DPYD: variants seen among roughly 807,000 people sequenced by gnomAD.
The protein encoded by DPYD is dihydropyrimidine dehydrogenase [NADP(+)].
A neutral mutation model predicts 116.2 loss-of-function variants in DPYD; 109 were observed. The observed-to-expected ratio is 0.94, with a 90% CI of 0.80 to 1.10. The LOEUF is 1.10. Ranked by LOEUF, DPYD falls within the 50% of genes least tolerant of loss-of-function variation. DPYD has a pLI of 0.00. For synonymous variants in DPYD, 440 were observed against 432.0 expected (o/e 1.02, Z -0.23); for missense variants, 1,302 against 1,254.5 (o/e 1.04, Z -0.57).
chr1:97,527,627 A>G (rs1649246641), intron 12 of DPYD, among the ~76,000 whole-genome samples: 1 of 152,074 alleles, frequency 6.6e-6, no homozygotes, highest in Admixed American at 6.6e-5. Context: ...TTATTAAATT[A>G]TTACTCTTTA....
intron 14 of DPYD, among the ~76,000 whole-genome samples, chr1:97,386,446 G>C (rs1173248401): frequency 6.6e-6 from 1 of 152,066 alleles, no homozygotes; most frequent in African/African-American, 2.4e-5. Flanking sequence ...AGGATGGAGA[G>C]AGATCCCCTT....
chr1:97,906,117 T>C (rs1336405374), intron 1 of DPYD, among the ~76,000 whole-genome samples: 2 of 152,018 alleles, frequency 1.3e-5, no homozygotes, highest in Non-Finnish European at 2.9e-5. Context: ...ACCTGACCCA[T>C]TTCAGCCAGG....
intron 1 of DPYD, among the ~76,000 whole-genome samples, chr1:97,895,404 A>C (rs1392740347): frequency 6.6e-6 from 1 of 151,794 alleles, no homozygotes; most frequent in Non-Finnish European, 1.5e-5. Flanking sequence ...ACCTGGGCTA[A>C]CTGAGTTTAA....
chr1:97,908,320 A>G (rs1673750001), intron 1 of DPYD, among the ~76,000 whole-genome samples: 1 of 152,000 alleles, frequency 6.6e-6, no homozygotes, highest in Non-Finnish European at 1.5e-5. Flanking sequence ...TGCTGGGATT[A>G]CAGGCGTAAG....
intron 12 of DPYD, chr1:97,546,556 G>A (rs532829089): frequency 2.0e-5 from 32 of 1,599,256 alleles, no homozygotes; most frequent in Middle Eastern, 1.8e-4. Flanking sequence ...AGAAGAGAGC[G>A]CTCTATTGGA....
chr1:97,304,061 A>C (rs1312679969), intron 18 of DPYD, among the ~76,000 whole-genome samples: 1 of 152,034 alleles, frequency 6.6e-6, no homozygotes, highest in Non-Finnish European at 1.5e-5. Context: ...GAATGGTGTT[A>C]CTTATATAAA....
intron 8 of DPYD, among the ~76,000 whole-genome samples, chr1:97,637,459 C>T (rs1397261507): frequency 6.7e-6 from 1 of 149,970 alleles, no homozygotes; most frequent in Non-Finnish European, 1.5e-5. Context: ...ATTTTATAGA[C>T]CCCCCAGACA....
chr1:97,350,935 T>C (rs957515183), intron 16 of DPYD, among the ~76,000 whole-genome samples: 1 of 152,176 alleles, frequency 6.6e-6, no homozygotes, highest in Admixed American at 6.5e-5. Context: ...AAACTCTATA[T>C]GGTGAACTTA....
chr1:97,466,210 CA>C (rs1370990582), intron 13 of DPYD, among the ~76,000 whole-genome samples: 1 of 152,134 alleles, frequency 6.6e-6, no homozygotes, highest in African/African-American at 2.4e-5. Flanking sequence ...GATATATACG[CA>C]AAATATTCTT....
chr1:97,542,390 G>A (rs904004925), intron 12 of DPYD, among the ~76,000 whole-genome samples: 6 of 152,122 alleles, frequency 3.9e-5, no homozygotes, highest in African/African-American at 1.4e-4. Context: ...AGTGGAGCTT[G>A]GTCTGGATTT....
intron 11 of DPYD, among the ~76,000 whole-genome samples, chr1:97,553,682 C>CG (rs1471679899): frequency 1.3e-5 from 2 of 151,886 alleles, no homozygotes; most frequent in African/African-American, 2.4e-5. Context: ...GTTTATAAAA[C>CG]GGGGGGGATT....
chr1:97,608,072 G>A (rs1655712372), intron 8 of DPYD, among the ~76,000 whole-genome samples: 1 of 151,814 alleles, frequency 6.6e-6, no homozygotes, highest in Admixed American at 6.6e-5. Context: ...AGCCACATGG[G>A]GAAGTATTCT....
chr1:97,714,990 T>C (rs1369342693), intron 5 of DPYD, among the ~76,000 whole-genome samples: 4 of 152,202 alleles, frequency 2.6e-5, no homozygotes, highest in Admixed American at 6.6e-5. Context: ...TGGAGTTTCC[T>C]GTTACTCATA....
chr1:97,138,615 T>C (rs1653979120), intron 20 of DPYD, among the ~76,000 whole-genome samples: 1 of 142,654 alleles, frequency 7.0e-6, no homozygotes, highest in Non-Finnish European at 1.6e-5. Flanking sequence ...TTCATTCTTT[T>C]GCATTTTTCT....
intron 18 of DPYD, among the ~76,000 whole-genome samples, chr1:97,289,982 C>G: frequency 6.6e-6 from 1 of 152,150 alleles, no homozygotes; most frequent in Non-Finnish European, 1.5e-5. Flanking sequence ...TAAGCAACTT[C>G]AGCAAAGTCT....
chr1:97,832,323 C>A (rs1489723079), intron 2 of DPYD, among the ~76,000 whole-genome samples: 3 of 152,110 alleles, frequency 2.0e-5, no homozygotes, highest in East Asian at 1.9e-4. Context: ...AAACTCCTCG[C>A]GAGTCCGCTT....
At chr1:97,146,232 T>C (rs896478668) in intron 20 of DPYD, among the ~76,000 whole-genome samples, 20 of 152,202 alleles carry the variant, frequency 1.3e-4, no homozygotes, top group Non-Finnish European at 2.6e-4. Flanking sequence ...AGAAAACTAA[T>C]ACAATGTTGA....
At chr1:97,324,485 T>C (rs1396828005) in intron 16 of DPYD, among the ~76,000 whole-genome samples, 1 of 152,066 alleles carries the variant, frequency 6.6e-6, no homozygotes, top group Non-Finnish European at 1.5e-5. Flanking sequence ...GTATGCCAAA[T>C]ACTGCTTCTG....
chr1:97,709,838 A>G (rs1432297075), intron 5 of DPYD, among the ~76,000 whole-genome samples: 1 of 151,870 alleles, frequency 6.6e-6, no homozygotes, highest in Admixed American at 6.6e-5. Context: ...ATATAATGAA[A>G]ATAAACATAA....
Sources: gnomAD v4.1 joint callset for allele counts (sites outside exome capture counted in the v4.1 genomes callset) on GRCh38, gnomAD v4.1.1 for gene constraint, MANE v1.5 for transcripts, NCBI Gene and HGNC (gene_info 2026-07-23, HGNC 2026-07-21) for gene names.